GDPD4: variants seen among roughly 807,000 people sequenced by gnomAD.
GDPD4 encodes the protein glycerophosphodiester phosphodiesterase domain containing 4.
A neutral mutation model predicts 67.8 loss-of-function variants in GDPD4; 60 were observed. That is an observed-to-expected ratio of 0.88 (90% CI 0.72 to 1.10). GDPD4 has a LOEUF of 1.10. GDPD4 is among the 50% of genes least tolerant of loss of function. The pLI is 0.00. For synonymous variants in GDPD4, 212 were observed against 210.9 expected, an observed-to-expected ratio of 1.00 and a Z score of -0.04; for missense variants, 623 against 613.9, an observed-to-expected ratio of 1.01 and a Z score of -0.16.
At chr11:77,239,935 C>CTAGA (rs1159264614) in intron 13 of GDPD4, among the ~76,000 whole-genome samples, 1 of 148,504 alleles carries the variant, frequency 6.7e-6, no homozygotes, top group East Asian at 2.0e-4. Context: ...GCACTCCAGC[C>CTAGA]TAGATGACGG....
At chr11:77,280,797 G>C (rs913760448) in intron 3 of GDPD4, among the ~76,000 whole-genome samples, 4 of 152,046 alleles carry the variant, frequency 2.6e-5, no homozygotes, top group African/African-American at 9.7e-5. Flanking sequence ...TTCCCATCCG[G>C]GTAAGTAACT....
intron 16 of GDPD4, among the ~76,000 whole-genome samples, chr11:77,221,880 G>A (rs1958232553): frequency 1.5e-5 from 2 of 129,790 alleles, no homozygotes; most frequent in African/African-American, 5.7e-5. Flanking sequence ...TCTCTTTGTA[G>A]GTCACTAAGG....
At chr11:77,226,425 C>G (rs141470198) in intron 16 of GDPD4, among the ~76,000 whole-genome samples, 9 of 151,836 alleles carry the variant, frequency 5.9e-5, no homozygotes, top group Non-Finnish European at 1.3e-4. Flanking sequence ...AAGAGAGACC[C>G]GAGATCCCAC....
intron 14 of GDPD4, 33 bp downstream of exon 14, chr11:77,232,992 A>G: frequency 6.2e-7 from 1 of 1,611,854 alleles, no homozygotes; most frequent in Non-Finnish European, 8.5e-7. Flanking sequence ...TATCATACCA[A>G]GCCTGGAAGA....
At chr11:77,255,556 C>T (rs900788221) in intron 11 of GDPD4, among the ~76,000 whole-genome samples, 3 of 151,856 alleles carry the variant, frequency 2.0e-5, no homozygotes, top group Non-Finnish European at 2.9e-5. Flanking sequence ...AGTGAAACTC[C>T]GTTTCAAAAC....
At chr11:77,285,845 A>G (rs1449384963) in intron 2 of GDPD4, among the ~76,000 whole-genome samples, 2 of 152,174 alleles carry the variant, frequency 1.3e-5, no homozygotes, top group Admixed American at 1.3e-4. Context: ...AGATCTGTGT[A>G]AGCTCAAAGC....
At chr11:77,269,180 T>G in intron 8 of GDPD4, 111 bp from the exon 9 acceptor site, 7 of 884,422 alleles carry the variant, frequency 7.9e-6, no homozygotes, top group Non-Finnish European at 1.1e-5. Flanking sequence ...TGGGTTTCAT[T>G]GACTGTGTAC....
intron 11 of GDPD4, among the ~76,000 whole-genome samples, chr11:77,250,179 G>A (rs1294554770): frequency 6.6e-6 from 1 of 152,154 alleles, no homozygotes; most frequent in Non-Finnish European, 1.5e-5. Context: ...TTTGAAGTAT[G>A]AATGAACTCA....
chr11:77,268,518 T>A lies in GDPD4; in HGVS notation c.646A>T (p.Met216Leu). 1 of 1,612,846 alleles carries A rather than the reference T, an allele frequency of 6.2e-7. No individual in the cohort carries two copies. Among genetic ancestry groups the A allele is most frequent in the Admixed American group, 1.7e-5 (1 of 59,990 alleles). ...APMLGPENTM[M>L]SFEKAVEHGA... ...TGTTCAACAGCTTTCTCAAAGGACA[T>A]CATGGTATTCTCAGGCCCCAACTGT... Residue 216 changes from methionine to leucine, a missense_variant, in exon 10 of 17, where the codon ATG becomes TTG. Coordinates refer to ENST00000315938, the MANE Select transcript of GDPD4 (RefSeq NM_182833.3).
intron 14 of GDPD4, 65 bp from the exon 15 acceptor site, chr11:77,229,297 A>T (rs1958409099): frequency 1.0e-6 from 1 of 963,898 alleles, no homozygotes. Flanking sequence ...CATACGGTCT[A>T]AGTCCCTTGC....
At chr11:77,223,740 G>C (rs1220641238) in intron 16 of GDPD4, among the ~76,000 whole-genome samples, 1 of 152,172 alleles carries the variant, frequency 6.6e-6, no homozygotes, top group African/African-American at 2.4e-5. Context: ...CTGTCAGACA[G>C]GGACGTTTTA....
intron 10 of GDPD4, among the ~76,000 whole-genome samples, chr11:77,263,340 G>A (rs1591557500): frequency 6.6e-6 from 1 of 152,238 alleles, no homozygotes; most frequent in East Asian, 1.9e-4. Context: ...TGAAATGTTA[G>A]TGTACTGATA....
intron 11 of GDPD4, among the ~76,000 whole-genome samples, chr11:77,247,699 T>C (rs1195614978): frequency 6.6e-6 from 1 of 152,162 alleles, no homozygotes; most frequent in African/African-American, 2.4e-5. Context: ...TGCCTCTGTG[T>C]AGACATATTA....
chr11:77,245,158 AG>A, intron 12 of GDPD4, 122 bp downstream of exon 12: 1 of 697,124 alleles, frequency 1.4e-6, no homozygotes, highest in East Asian at 2.6e-5. Context: ...TCATTTCCAT[AG>A]GAAGTAAAAT....
intron 11 of GDPD4, among the ~76,000 whole-genome samples, chr11:77,255,324 T>C (rs983873650): frequency 2.0e-5 from 3 of 152,082 alleles, no homozygotes; most frequent in African/African-American, 4.8e-5. Context: ...CCCAGCACTT[T>C]GGGGGGCTGA....
At chr11:77,237,142 T>A (rs994276551) in intron 13 of GDPD4, among the ~76,000 whole-genome samples, 3 of 152,202 alleles carry the variant, frequency 2.0e-5, no homozygotes, top group Non-Finnish European at 4.4e-5. Flanking sequence ...ATGACTCAAC[T>A]GCTCCCCTTA....
intron 5 of GDPD4, among the ~76,000 whole-genome samples, chr11:77,274,554 C>G (rs940216656): frequency 1.3e-5 from 2 of 152,192 alleles, no homozygotes; most frequent in Non-Finnish European, 2.9e-5. Context: ...TCCCCACTTG[C>G]CTTCCACCGT....
intron 13 of GDPD4, among the ~76,000 whole-genome samples, chr11:77,239,291 A>G (rs1402526454): frequency 6.6e-6 from 1 of 152,230 alleles, no homozygotes; most frequent in Non-Finnish European, 1.5e-5. Flanking sequence ...GAACAAGACA[A>G]AGATGCCAAA....
At chr11:77,287,521 T>A (rs1490131278) in intron 1 of GDPD4, 101 bp from the exon 2 acceptor site, 1 of 152,168 alleles carries the variant, frequency 6.6e-6, no homozygotes, top group Non-Finnish European at 1.5e-5. Context: ...GATGGATTTT[T>A]AAAAAACTGT....
Sources: gnomAD v4.1 joint callset for allele counts (sites outside exome capture counted in the v4.1 genomes callset) on GRCh38, gnomAD v4.1.1 for gene constraint, MANE v1.5 for transcripts, NCBI Gene and HGNC (gene_info 2026-07-23, HGNC 2026-07-21) for gene names.